The following CAB39L variants were observed in gnomAD, a reference collection of about 807,000 sequenced individuals.
CAB39L encodes the protein calcium-binding protein 39-like.
A neutral mutation model predicts 39.1 loss-of-function variants in CAB39L; 23 were observed. The ratio of observed to expected loss-of-function variants is 0.59; its 90% CI spans 0.42 to 0.83. The LOEUF (loss-of-function observed/expected upper bound fraction) is 0.83, where lower values mean the gene tolerates loss of function less well. CAB39L is among the 40% of genes least tolerant of loss of function. The probability of loss-of-function intolerance (pLI) is 0.00; values close to 1 mark genes in which losing one functional copy is unlikely to be tolerated. For synonymous variants in CAB39L, 126 were observed against 137.2 expected (o/e 0.92, Z 0.57); for missense variants, 366 against 391.9 (o/e 0.93, Z 0.56).
chr13:49,417,386 C>T (rs1957102356), intron 3 of CAB39L, among the ~76,000 whole-genome samples: 1 of 152,114 alleles, frequency 6.6e-6, no homozygotes. Context: ...AACAATCATG[C>T]ATTGCCAGGC....
chr13:49,319,639 T>C (rs1214749354), intron 10 of CAB39L, among the ~76,000 whole-genome samples: 1 of 148,266 alleles, frequency 6.7e-6, no homozygotes, highest in Admixed American at 6.7e-5. Flanking sequence ...TTGTTACTTA[T>C]ATTAAAAAAA....
At chr13:49,370,712 C>G (rs1466214090) in intron 5 of CAB39L, among the ~76,000 whole-genome samples, 1 of 152,178 alleles carries the variant, frequency 6.6e-6, no homozygotes, top group Non-Finnish European at 1.5e-5. Context: ...AGATTACATT[C>G]CTTAAAATGT....
At chr13:49,428,045 G>A (rs929992664) in intron 3 of CAB39L, among the ~76,000 whole-genome samples, 60 of 152,354 alleles carry the variant, frequency 3.9e-4, no homozygotes, top group African/African-American at 1.4e-3. Context: ...TAGGAATTTT[G>A]TGGGGACACA....
chr13:49,315,643 G>A (rs531378147), intron 10 of CAB39L, among the ~76,000 whole-genome samples: 2 of 151,972 alleles, frequency 1.3e-5, no homozygotes, highest in Non-Finnish European at 2.9e-5. Context: ...ATCCAGCAGC[G>A]TGGGAGGCCA....
At chr13:49,336,633 T>C (rs1238894700) in intron 9 of CAB39L, among the ~76,000 whole-genome samples, 1 of 152,144 alleles carries the variant, frequency 6.6e-6, no homozygotes, top group African/African-American at 2.4e-5. Context: ...AAAGGAAGGA[T>C]TTGGAGAATT....
At chr13:49,350,273 C>T (rs193110594) in intron 7 of CAB39L, among the ~76,000 whole-genome samples, 1 of 152,152 alleles carries the variant, frequency 6.6e-6, no homozygotes, top group Non-Finnish European at 1.5e-5. Flanking sequence ...AAATTTCATT[C>T]ATAAAATAAC....
intron 9 of CAB39L, among the ~76,000 whole-genome samples, chr13:49,339,193 C>T (rs954837983): frequency 9.0e-5 from 13 of 144,562 alleles, no homozygotes; most frequent in Admixed American, 4.3e-4. Flanking sequence ...TACATTGGCA[C>T]GATCTTGGCT....
intron 7 of CAB39L, among the ~76,000 whole-genome samples, chr13:49,347,889 A>C (rs1158006009): frequency 1.3e-5 from 2 of 148,652 alleles, no homozygotes; most frequent in East Asian, 2.0e-4. Flanking sequence ...TCCTTCCCTC[A>C]CTCGGCTGTT....
intron 3 of CAB39L, among the ~76,000 whole-genome samples, chr13:49,406,077 G>A (rs1956870032): frequency 6.6e-6 from 1 of 151,722 alleles, no homozygotes; most frequent in African/African-American, 2.4e-5. Flanking sequence ...CAATGAATAA[G>A]ATCTAGTATT....
intron 10 of CAB39L, among the ~76,000 whole-genome samples, chr13:49,317,710 G>T (rs1361955562): frequency 6.6e-6 from 1 of 151,934 alleles, no homozygotes; most frequent in Non-Finnish European, 1.5e-5. Flanking sequence ...GTTGGATTTG[G>T]CAATGGTTTC....
chr13:49,407,875 A>G (rs1260126555), intron 3 of CAB39L, among the ~76,000 whole-genome samples: 1 of 151,448 alleles, frequency 6.6e-6, no homozygotes, highest in East Asian at 1.9e-4. Context: ...AAAAAAAAAA[A>G]AAATAGAAGA....
intron 10 of CAB39L, among the ~76,000 whole-genome samples, chr13:49,323,461 T>C (rs1954410445): frequency 6.6e-6 from 1 of 152,232 alleles, no homozygotes; most frequent in Non-Finnish European, 1.5e-5. Context: ...AGAATCCTTA[T>C]TCTTCCCGGA....
intron 3 of CAB39L, among the ~76,000 whole-genome samples, chr13:49,419,037 G>A (rs1594084839): frequency 6.6e-6 from 1 of 151,954 alleles, no homozygotes; most frequent in African/African-American, 2.4e-5. Context: ...GTGCGATCTC[G>A]GCTCACTGCC....
intron 10 of CAB39L, among the ~76,000 whole-genome samples, chr13:49,329,892 C>T (rs567531335): frequency 1.3e-5 from 2 of 152,194 alleles, no homozygotes; most frequent in South Asian, 4.1e-4. Flanking sequence ...ATAGACTCCA[C>T]GACCCACCCC....
At chr13:49,431,832 G>A (rs949817183) in intron 3 of CAB39L, among the ~76,000 whole-genome samples, 31 of 152,024 alleles carry the variant, frequency 2.0e-4, no homozygotes, top group African/African-American at 5.6e-4. Flanking sequence ...ACTTATACAT[G>A]AATATTCATA....
At chr13:49,324,488 C>T (rs1954442449) in intron 10 of CAB39L, among the ~76,000 whole-genome samples, 1 of 152,126 alleles carries the variant, frequency 6.6e-6, no homozygotes, top group Non-Finnish European at 1.5e-5. Context: ...AATTCCTGCT[C>T]GCAAAGCGCT....
intron 3 of CAB39L, chr13:49,401,385 G>A (rs1956766526): frequency 6.6e-6 from 1 of 152,180 alleles, no homozygotes; most frequent in African/African-American, 2.4e-5. Context: ...ATGATCACTT[G>A]AACACTCACA....
At chr13:49,436,553 C>CTT (rs57141770) in intron 1 of CAB39L, among the ~76,000 whole-genome samples, 12 of 73,464 alleles carry the variant, frequency 1.6e-4, no homozygotes, top group South Asian at 6.2e-4. Context: ...TTCTTTATGA[C>CTT]TTTTTTTTTT....
chr13:49,364,489 A>AAG (rs1484621358), intron 5 of CAB39L, among the ~76,000 whole-genome samples: 1 of 152,230 alleles, frequency 6.6e-6, no homozygotes, highest in Non-Finnish European at 1.5e-5. Context: ...ATTGGTAGGG[A>AAG]AGAAGTCAAA....
Sources: allele counts gnomAD v4.1 joint callset (sites outside exome capture counted in the v4.1 genomes callset), GRCh38; gene constraint gnomAD v4.1.1; transcripts MANE v1.5; gene names NCBI Gene and HGNC (gene_info 2026-07-23, HGNC 2026-07-21).